CDKN2B-AS1: variants seen among roughly 807,000 people sequenced by gnomAD.
CDKN2B-AS1 encodes the protein CDKN2B antisense RNA 1 (non-protein coding).
chr9:22,114,299 A>T (rs1026192534), intron 4 of CDKN2B-AS1, among the ~76,000 whole-genome samples: 11 of 152,230 alleles, frequency 7.2e-5, no homozygotes, highest in African/African-American at 2.4e-4. Flanking sequence ...TAAATACATT[A>T]AAAGTCCTGA....
intron 1 of CDKN2B-AS1, among the ~76,000 whole-genome samples, chr9:22,018,382 G>A (rs377380319): frequency 1.4e-5 from 2 of 145,580 alleles, no homozygotes; most frequent in African/African-American, 5.1e-5. Context: ...CATGGGCCGC[G>A]CATGGTGGCT....
At chr9:22,092,626 A>G (rs1825131606) in intron 4 of CDKN2B-AS1, among the ~76,000 whole-genome samples, 1 of 152,170 alleles carries the variant, frequency 6.6e-6, no homozygotes, top group Admixed American at 6.5e-5. Flanking sequence ...TGTTTATAGT[A>G]TTCTCTGATG....
intron 4 of CDKN2B-AS1, among the ~76,000 whole-genome samples, chr9:22,111,886 G>T (rs899434869): frequency 2.6e-5 from 4 of 152,112 alleles, no homozygotes; most frequent in African/African-American, 9.7e-5. Flanking sequence ...GTTTGGTGTG[G>T]CAGTGAGCAA....
intron 3 of CDKN2B-AS1, among the ~76,000 whole-genome samples, chr9:22,051,503 C>T (rs573559601): frequency 6.6e-5 from 10 of 152,256 alleles, no homozygotes; most frequent in African/African-American, 2.2e-4. Context: ...TGTGAAAGGA[C>T]TTGCTTAAAA....
chr9:22,088,567 G>T (rs1824946357), intron 4 of CDKN2B-AS1, among the ~76,000 whole-genome samples: 1 of 152,174 alleles, frequency 6.6e-6, no homozygotes, highest in African/African-American at 2.4e-5. Context: ...GTGTGATTCA[G>T]TTCACTCCAA....
chr9:22,027,965 C>T (rs547542775), intron 1 of CDKN2B-AS1, among the ~76,000 whole-genome samples: 126 of 152,188 alleles, frequency 8.3e-4, no homozygotes, highest in Non-Finnish European at 1.3e-3. Flanking sequence ...TATCATAAAA[C>T]ATACAAGATC....
chr9:22,127,409 A>C (rs1818035091), exon 5 of CDKN2B-AS1, among the ~76,000 whole-genome samples: 1 of 152,230 alleles, frequency 6.6e-6, no homozygotes, highest in South Asian at 2.1e-4. Flanking sequence ...CAAGGTAAGT[A>C]TGCCTAGATG....
In CDKN2B-AS1 at chr9:22,072,050, T is replaced by C. The variant is rs572986482; in HGVS notation, n.438+15663T>C. On this transcript the variant is annotated intron_variant and non_coding_transcript_variant, in intron 4 of 4. Transcript: ENST00000650946. ...AGGGACAGGGGAAAGTCCTGAGCAG[T>C]GCAGGTGGATTAAGAACTAAATATG... Among the ~76,000 whole-genome samples the C allele has an allele frequency of 5.1e-4, 77 of 152,284 alleles. 1 individual carries two copies. Among genetic ancestry groups the C allele is most frequent in the Non-Finnish European group, 8.5e-4 (58 of 68,018 alleles).
intron 4 of CDKN2B-AS1, among the ~76,000 whole-genome samples, chr9:22,064,797 A>T (rs2131304358): frequency 6.6e-6 from 1 of 152,254 alleles, no homozygotes; most frequent in East Asian, 1.9e-4. Context: ...CAAACACACA[A>T]TGGTTTTCAT....
intron 4 of CDKN2B-AS1, among the ~76,000 whole-genome samples, chr9:22,092,039 T>A (rs1298093401): frequency 6.6e-6 from 1 of 152,216 alleles, no homozygotes; most frequent in Non-Finnish European, 1.5e-5. Flanking sequence ...TGAAGGTTGT[T>A]GAATTTTGTC....
intron 3 of CDKN2B-AS1, among the ~76,000 whole-genome samples, chr9:22,050,299 T>C (rs1823291873): frequency 6.6e-6 from 1 of 152,230 alleles, no homozygotes; most frequent in African/African-American, 2.4e-5. Flanking sequence ...AAAAGCAGCC[T>C]GGCTTGGCCA....
At chr9:22,117,090 G>A (rs1178390999) in intron 4 of CDKN2B-AS1, among the ~76,000 whole-genome samples, 1 of 152,188 alleles carries the variant, frequency 6.6e-6, no homozygotes, top group Non-Finnish European at 1.5e-5. Flanking sequence ...TGCATCTTAT[G>A]CATGCAGAAG....
At chr9:22,077,738 AAC>A (rs1824552019) in intron 4 of CDKN2B-AS1, 1 of 152,236 alleles carries the variant, frequency 6.6e-6, no homozygotes, top group African/African-American at 2.4e-5. Flanking sequence ...ATTGGACAAA[AAC>A]ACAGATAGCT....
chr9:22,104,271 G>A (rs1171811776), intron 4 of CDKN2B-AS1, among the ~76,000 whole-genome samples: 1 of 152,164 alleles, frequency 6.6e-6, no homozygotes, highest in African/African-American at 2.4e-5. Flanking sequence ...GCAAGGTCAG[G>A]CACCTAGATG....
At chr9:22,064,729 C>G (rs1287477969) in intron 4 of CDKN2B-AS1, among the ~76,000 whole-genome samples, 2 of 152,124 alleles carry the variant, frequency 1.3e-5, no homozygotes, top group Admixed American at 1.3e-4. Flanking sequence ...CTCCTGTGTG[C>G]ACGGTGGAGG....
At chr9:22,064,559 A>G (rs1260278243) in intron 4 of CDKN2B-AS1, among the ~76,000 whole-genome samples, 1 of 152,228 alleles carries the variant, frequency 6.6e-6, no homozygotes, top group Non-Finnish European at 1.5e-5. Flanking sequence ...GGAAACCTTA[A>G]TTGGAATTAA....
intron 3 of CDKN2B-AS1, among the ~76,000 whole-genome samples, chr9:22,054,781 G>C (rs1823488187): frequency 7.3e-6 from 1 of 136,712 alleles, no homozygotes; most frequent in Non-Finnish European, 1.6e-5. Flanking sequence ...ATTTGTTGTT[G>C]CTGGTGTTTT....
At chr9:22,075,429 G>T (rs1326103699) in intron 4 of CDKN2B-AS1, among the ~76,000 whole-genome samples, 1 of 152,182 alleles carries the variant, frequency 6.6e-6, no homozygotes, top group Non-Finnish European at 1.5e-5. Context: ...GAGACTCAGC[G>T]ATTGGGATGT....
At chr9:22,107,015 G>A (rs562832046) in intron 4 of CDKN2B-AS1, among the ~76,000 whole-genome samples, 3 of 152,288 alleles carry the variant, frequency 2.0e-5, no homozygotes, top group Non-Finnish European at 4.4e-5. Flanking sequence ...GCATTTCATG[G>A]TAAAGACTAT....
Sources: gnomAD v4.1 joint callset for allele counts (sites outside exome capture counted in the v4.1 genomes callset) on GRCh38, gnomAD v4.1.1 for gene constraint, MANE v1.5 for transcripts, NCBI Gene and HGNC (gene_info 2026-07-23, HGNC 2026-07-21) for gene names.